NHLRC2: variants seen among roughly 807,000 people sequenced by gnomAD.
NHLRC2 encodes NHL repeat-containing protein 2.
Under a neutral mutation model 68.1 loss-of-function variants are expected in NHLRC2, and 33 were observed. The observed-to-expected ratio is 0.48, with a 90% CI of 0.37 to 0.65. The LOEUF is 0.65. Ranked by LOEUF, NHLRC2 falls within the 30% of genes least tolerant of loss-of-function variation. The probability of loss-of-function intolerance (pLI) is 0.00; values close to 1 mark genes in which losing one functional copy is unlikely to be tolerated. For synonymous variants in NHLRC2, 311 were observed against 309.6 expected (o/e 1.00, Z -0.05); for missense variants, 761 against 853.8 (o/e 0.89, Z 1.35).
intron 4 of NHLRC2, among the ~76,000 whole-genome samples, chr10:113,881,541 T>C (rs947479588): frequency 5.9e-5 from 9 of 151,766 alleles, no homozygotes; most frequent in Non-Finnish European, 1.3e-4. Flanking sequence ...TCATTTAGAA[T>C]AATTTATTTA....
At position 113,912,903 on chromosome 10, in the gene NHLRC2, A is replaced by G. The variant is rs1846343018; in HGVS notation, c.*4367A>G. On this transcript the variant is annotated 3_prime_UTR_variant, in exon 11 of 11. Coordinates refer to ENST00000369301, the MANE Select transcript of NHLRC2 (RefSeq NM_198514.4). ...GGGTCTCCTCATTCCTAACTCCAAG[A>G]TGCAGAGGGAAAACGAACTGCTCAA... 1 of 152,200 alleles carries G rather than the reference A, an allele frequency of 6.6e-6. No homozygotes were observed. Among genetic ancestry groups the G allele is most frequent in the Non-Finnish European group, 1.5e-5 (1 of 68,022 alleles). The allele number at this position is 152,200 out of a possible 1,614,324, so 9.4% of individuals were successfully genotyped here.
Position 113,914,908 on chromosome 10 carries a change from C to A in NHLRC2, c.*6372C>A, listed in dbSNP as rs971797689. The stretch of plus-strand genomic sequence containing the variant: ...CTATATGTATTCCATGGCTAACAAA[C>A]CCTGGCCCCTTTACATATGAGCTCT... On this transcript the variant is annotated 3_prime_UTR_variant, in exon 11 of 11. Transcript: ENST00000369301. 4 of 443,256 alleles carry A rather than the reference C, an allele frequency of 9.0e-6. No individual in the cohort carries two copies. The Admixed American group carries it at 9.9e-5, about 11-fold the overall frequency. 27.5% of individuals were successfully genotyped at this position (443,256 alleles called of 1,614,324 possible).
At chr10:113,864,690 C>T (rs1442953184) in intron 2 of NHLRC2, among the ~76,000 whole-genome samples, 2 of 82,630 alleles carry the variant, frequency 2.4e-5, no homozygotes, top group Non-Finnish European at 6.2e-5. Context: ...AGCAAGACTC[C>T]GTCTAAAAAA....
intron 3 of NHLRC2, among the ~76,000 whole-genome samples, 177 bp from the exon 4 acceptor site, chr10:113,879,397 C>T (rs529873638): frequency 6.6e-6 from 1 of 152,098 alleles, no homozygotes; most frequent in Non-Finnish European, 1.5e-5. Context: ...GTACTATGAG[C>T]CCTGTCATTA....
rs1846387875 is a variant in NHLRC2 at position 113,916,515 on chromosome 10, A to G, written c.*7979A>G. The G allele has an allele frequency of 6.6e-6, 1 of 152,166 alleles. No homozygotes were observed. Among genetic ancestry groups the G allele is most frequent in the African/African-American group, 2.4e-5 (1 of 41,450 alleles). 9.4% of individuals were successfully genotyped at this position (152,166 alleles called of 1,614,324 possible). The stretch of plus-strand genomic sequence containing the variant: ...CTCTACTTTGAGGTATACCTTCCTA[A>G]TTATATTTTACATAGGCTGTTTTTT... On this transcript the variant is annotated 3_prime_UTR_variant, in exon 11 of 11. Coordinates refer to ENST00000369301, the MANE Select transcript of NHLRC2 (RefSeq NM_198514.4).
chr10:113,869,557 T>C (rs1845902776), intron 2 of NHLRC2, among the ~76,000 whole-genome samples: 1 of 152,210 alleles, frequency 6.6e-6, no homozygotes, highest in Admixed American at 6.5e-5. Context: ...CTATCCTTCC[T>C]GCTTCCTCTT....
rs1348266200 is a variant in NHLRC2 at position 113,913,502 on chromosome 10, T to C, written c.*4966T>C. 1 of 152,214 alleles carries C rather than the reference T, an allele frequency of 6.6e-6. No homozygotes were observed. Among genetic ancestry groups the C allele is most frequent in the African/African-American group, 2.4e-5 (1 of 41,456 alleles). 9.4% of individuals were successfully genotyped at this position (152,214 alleles called of 1,614,324 possible). On this transcript the variant is annotated 3_prime_UTR_variant, in exon 11 of 11. Transcript: ENST00000369301. Reference sequence around the variant, plus strand: ...TTGGCAGATGGATGTATTAAAAAAATAGCTTTCCAGTGTTAGTTCTCAACA... The same window carrying C: ...TTGGCAGATGGATGTATTAAAAAAACAGCTTTCCAGTGTTAGTTCTCAACA...
chr10:113,907,579 T>C (rs894778102), intron 10 of NHLRC2, among the ~76,000 whole-genome samples: 1 of 152,252 alleles, frequency 6.6e-6, no homozygotes, highest in African/African-American at 2.4e-5. Context: ...AAGATGATTT[T>C]AATTCTTGAG....
chr10:113,898,523 G>C (rs559585309), intron 6 of NHLRC2, among the ~76,000 whole-genome samples: 3 of 152,302 alleles, frequency 2.0e-5, no homozygotes, highest in Non-Finnish European at 4.4e-5. Flanking sequence ...TTTCTACTCA[G>C]AAGTGACACA....
intron 5 of NHLRC2, among the ~76,000 whole-genome samples, chr10:113,891,076 G>T (rs1846126718): frequency 1.3e-5 from 2 of 152,178 alleles, no homozygotes; most frequent in Admixed American, 1.3e-4. Flanking sequence ...CCCTCGACTT[G>T]TGGGGATTAC....
chr10:113,858,947 A>G (rs943923614), intron 2 of NHLRC2: 11 of 276,974 alleles, frequency 4.0e-5, no homozygotes, highest in African/African-American at 2.2e-4. Flanking sequence ...TCATGATCAG[A>G]TATTTTAAAA....
At chr10:113,874,649 A>T (rs145708030) in intron 2 of NHLRC2, among the ~76,000 whole-genome samples, 2 of 152,008 alleles carry the variant, frequency 1.3e-5, no homozygotes, top group East Asian at 1.9e-4. Context: ...TTTCTGCCCC[A>T]ATCTTATTTA....
At chr10:113,871,705 T>C (rs1174268893) in intron 2 of NHLRC2, among the ~76,000 whole-genome samples, 1 of 152,234 alleles carries the variant, frequency 6.6e-6, no homozygotes, top group African/African-American at 2.4e-5. Context: ...AAAAAGAATC[T>C]ATCTGTGCTA....
At chr10:113,901,580 T>G in intron 6 of NHLRC2, 86 bp from the exon 7 acceptor site, 1 of 840,584 alleles carries the variant, frequency 1.2e-6, no homozygotes, top group South Asian at 1.6e-5. Flanking sequence ...CACTTTTGAT[T>G]TGATTATTCA....
chr10:113,859,801 C>A (rs1371610756), intron 2 of NHLRC2, among the ~76,000 whole-genome samples: 1 of 152,020 alleles, frequency 6.6e-6, no homozygotes, highest in Non-Finnish European at 1.5e-5. Flanking sequence ...CATTATGGAA[C>A]CTAAGGAAAG....
chr10:113,860,399 T>C (rs1275458792), intron 2 of NHLRC2, among the ~76,000 whole-genome samples: 1 of 152,100 alleles, frequency 6.6e-6, no homozygotes, highest in Admixed American at 6.5e-5. Context: ...GACAAAAAAA[T>C]TAAAAATATT....
At chr10:113,881,142 T>C (rs544900449) in intron 4 of NHLRC2, among the ~76,000 whole-genome samples, 1 of 152,060 alleles carries the variant, frequency 6.6e-6, no homozygotes, top group South Asian at 2.1e-4. Flanking sequence ...TATGTGTCTA[T>C]AATTCGTCAG....
rs1291119615 is a variant in NHLRC2 at position 113,876,826 on chromosome 10, C to T, written c.637C>T (p.Leu213Phe). ...QIRDNKIGIK[L>F]YKDSLPPSPL... ...CAGAGATAATAAAATTGGAATAAAA[C>T]TCTATAAAGATTCTTTGCCACCTTC... Residue 213 changes from leucine (L) to phenylalanine (F), a missense_variant, in exon 3 of 11, where the codon CTC becomes TTC. Coordinates refer to ENST00000369301, the MANE Select transcript of NHLRC2 (RefSeq NM_198514.4). 2 of 1,612,642 alleles carry T rather than the reference C, an allele frequency of 1.2e-6. No individual in the cohort carries two copies. Among genetic ancestry groups the T allele is most frequent in the Admixed American group, 3.3e-5 (2 of 59,908 alleles).
In NHLRC2 at chr10:113,879,560, T is replaced by C; in HGVS notation, c.788-14T>C. On this transcript the variant is annotated splice_polypyrimidine_tract_variant and intron_variant, in intron 3 of 10. Transcript: ENST00000369301. The stretch of plus-strand genomic sequence containing the variant: ...GAGATCACTTCTTAAGTGGCAAATT[T>C]TATCTTATTTTAGGACCCAACCCTG... The C allele has an allele frequency of 1.3e-6, 2 of 1,591,470 alleles. No individual in the cohort carries two copies. Among genetic ancestry groups the C allele is most frequent in the Non-Finnish European group, 1.7e-6 (2 of 1,170,808 alleles).
Sources: gnomAD v4.1 joint callset for allele counts (sites outside exome capture counted in the v4.1 genomes callset) on GRCh38, gnomAD v4.1.1 for gene constraint, MANE v1.5 for transcripts, NCBI Gene and HGNC (gene_info 2026-07-23, HGNC 2026-07-21) for gene names.